Variants in PDCD6 observed in about 807,000 individuals in gnomAD.
The protein encoded by PDCD6 is programmed cell death 6.
A neutral mutation model predicts 28.3 loss-of-function variants in PDCD6; 12 were observed. The ratio of observed to expected loss-of-function variants is 0.42; its 90% CI spans 0.27 to 0.69. PDCD6 has a LOEUF of 0.69. Ranked by LOEUF, PDCD6 falls within the 30% of genes least tolerant of loss-of-function variation. The pLI is 0.22. For synonymous variants in PDCD6, 92 were observed against 108.0 expected, an observed-to-expected ratio of 0.85 and a Z score of 0.92; for missense variants, 226 against 269.9, an observed-to-expected ratio of 0.84 and a Z score of 1.14.
At chr5:290,648 T>C (rs545794351) in intron 2 of PDCD6, among the ~76,000 whole-genome samples, 2 of 152,352 alleles carry the variant, frequency 1.3e-5, no homozygotes, top group South Asian at 4.1e-4. Flanking sequence ...CTTACCATTT[T>C]TCCTGTGAGG....
intron 3 of PDCD6, 98 bp from the exon 4 acceptor site, chr5:306,504 G>C (rs955511484): frequency 7.6e-7 from 1 of 1,319,152 alleles, no homozygotes; most frequent in Non-Finnish European, 1.1e-6. Flanking sequence ...TCAGCAGTGG[G>C]GCCCCGCCAG....
chr5:285,741 T>G (rs1738914549), intron 2 of PDCD6, among the ~76,000 whole-genome samples: 1 of 151,296 alleles, frequency 6.6e-6, no homozygotes, highest in African/African-American at 2.4e-5. Context: ...GCCGTGCATT[T>G]GGAAACCCTG....
intron 2 of PDCD6, among the ~76,000 whole-genome samples, chr5:297,894 AAG>A (rs993937835): frequency 1.3e-5 from 2 of 152,232 alleles, no homozygotes; most frequent in African/African-American, 4.8e-5. Flanking sequence ...GAAATGAAAA[AAG>A]AAAATCGACT....
At chr5:302,567 C>A (rs1740164689) in intron 2 of PDCD6, among the ~76,000 whole-genome samples, 1 of 148,676 alleles carries the variant, frequency 6.7e-6, no homozygotes, top group African/African-American at 2.5e-5. Flanking sequence ...AGCTTCCCTG[C>A]ATAACTGCTG....
intron 2 of PDCD6, among the ~76,000 whole-genome samples, chr5:279,783 CAAAAAAA>C (rs35224887): frequency 0.019 from 1,439 of 75,590 alleles, 17 homozygotes; most frequent in Non-Finnish European, 0.023. Context: ...AAAGTAATGG[CAAAAAAA>C]AAAAAAAAAA....
Position 299,845 on chromosome 5 carries a change from A to G in PDCD6, c.164-4332A>G, listed in dbSNP as rs2672773. On this transcript the variant is annotated intron_variant, in intron 2 of 5. Transcript: ENST00000264933. Reference sequence around the variant, plus strand: ...ATTACAGGCGCCAGCCACCGCGCCCAGCTGGTATTTTTTTTTTTATTTTTT... The same window carrying G: ...ATTACAGGCGCCAGCCACCGCGCCCGGCTGGTATTTTTTTTTTTATTTTTT... Among the ~76,000 whole-genome samples the G allele has an allele frequency of 9.3e-3, 1,377 of 147,816 alleles. 24 individuals are homozygous for G. Among genetic ancestry groups the G allele is most frequent in the African/African-American group, 0.032 (1,211 of 37,840 alleles).
chr5:302,107 T>TGTGTGTGCGC (rs113802406), intron 2 of PDCD6, among the ~76,000 whole-genome samples: 67 of 111,680 alleles, frequency 6.0e-4, no homozygotes, highest in African/African-American at 1.9e-3. Context: ...TGTGTGTGTG[T>TGTGTGTGCGC]GCCTTGGGTT....
At chr5:290,743 G>C (rs778773326) in intron 2 of PDCD6, among the ~76,000 whole-genome samples, 1 of 124,816 alleles carries the variant, frequency 8.0e-6, no homozygotes, top group Non-Finnish European at 1.7e-5. Flanking sequence ...GTCACAGAAG[G>C]ACCCTGTCCC....
chr5:282,955 G>C (rs1738685731), intron 2 of PDCD6, among the ~76,000 whole-genome samples: 1 of 152,104 alleles, frequency 6.6e-6, no homozygotes, highest in Admixed American at 6.5e-5. Flanking sequence ...TGAGGTTCTA[G>C]TTTGAGGGTC....
chr5:314,318 C>CGT lies in PDCD6; in HGVS notation c.478-93_478-92dup, dbSNP rs1372044439. On this transcript the variant is annotated intron_variant, in intron 5 of 5. Coordinates refer to ENST00000264933, the MANE Select transcript of PDCD6 (RefSeq NM_013232.4). Reference sequence around the variant, plus strand: ...GGGCTCCATCAGGGAGCCCAGAAGACGTGTGTGCTTCTGAAATTGGGTCCC... The same window carrying CGT: ...GGGCTCCATCAGGGAGCCCAGAAGACGTGTGTGTGCTTCTGAAATTGGGTCCC... 3.8e-6 allele frequency: 3 copies of CGT among 790,396 alleles called. No homozygotes were observed. The African/African-American group carries it at 5.1e-5, about 13-fold the overall frequency. 49.0% of individuals were successfully genotyped at this position (790,396 alleles called of 1,614,324 possible). A position where few individuals can be genotyped will look rare whatever the true frequency, so the allele number is the denominator to read the frequency against.
intron 2 of PDCD6, among the ~76,000 whole-genome samples, chr5:279,570 G>C (rs565464692): frequency 6.6e-6 from 1 of 152,048 alleles, no homozygotes; most frequent in South Asian, 2.1e-4. Context: ...TTTCAAAGGG[G>C]CGTGTCATGT....
chr5:289,991 T>C, intron 2 of PDCD6: 1 of 1,601,008 alleles, frequency 6.2e-7, no homozygotes, highest in South Asian at 1.1e-5. Context: ...TAGTTTCTCC[T>C]TGGATCTGTT....
Position 276,180 on chromosome 5 carries a change from G to C in PDCD6, c.163+3408G>C. On this transcript the variant is annotated intron_variant, in intron 2 of 5. Transcript: ENST00000264933. ...GGAGGTTGAGGCTGCATTGAGCTGA[G>C]ATCAAGCCACGGCACTCCAGCCTGG... 3 of 1,037,590 alleles carry C rather than the reference G, an allele frequency of 2.9e-6. No individual in the cohort carries two copies. In the South Asian group the frequency reaches 5.1e-5, roughly 18 times the overall value. The allele number at this position is 1,037,590 out of a possible 1,614,324, so 64.3% of individuals were successfully genotyped here.
chr5:302,406 CCT>C (rs1561046996), intron 2 of PDCD6, among the ~76,000 whole-genome samples: 12 of 101,644 alleles, frequency 1.2e-4, no homozygotes, highest in South Asian at 2.7e-4. Flanking sequence ...TGTGTGTATG[CCT>C]CAGGTTCAGG....
At chr5:276,866 G>A (rs1176995346) in intron 2 of PDCD6, 1 of 985,234 alleles carries the variant, frequency 1.0e-6, no homozygotes, top group Non-Finnish European at 1.2e-6. Flanking sequence ...TGCTCTCAGG[G>A]AGGTCTGTGG....
intron 2 of PDCD6, among the ~76,000 whole-genome samples, chr5:301,828 A>C (rs1342985142): frequency 7.0e-6 from 1 of 143,298 alleles, no homozygotes; most frequent in Non-Finnish European, 1.5e-5. Context: ...CTTTGTGGGA[A>C]GAGCACAGCT....
At chr5:302,068 C>CTGTGTGTGTGTGTGTGTG (rs1491538086) in intron 2 of PDCD6, among the ~76,000 whole-genome samples, 3 of 63,372 alleles carry the variant, frequency 4.7e-5, no homozygotes, top group Non-Finnish European at 1.2e-4. Flanking sequence ...TTGAGTGCTG[C>CTGTGTGTGTGTGTGTGTG]TCTGTGTGTG....
intron 4 of PDCD6, 190 bp from the exon 5 acceptor site, chr5:311,103 C>T: frequency 1.7e-6 from 1 of 580,408 alleles, no homozygotes; most frequent in South Asian, 1.9e-5. Flanking sequence ...GGGATGTCAG[C>T]TCATTACAGA....
chr5:272,537 G>A (rs1414977870), intron 1 of PDCD6, among the ~76,000 whole-genome samples, 174 bp from the exon 2 acceptor site: 1 of 144,126 alleles, frequency 6.9e-6, no homozygotes, highest in Admixed American at 6.8e-5. Flanking sequence ...AGACCACACT[G>A]GACGTCGGCT....
Sources: gnomAD v4.1 joint callset for allele counts (sites outside exome capture counted in the v4.1 genomes callset) on GRCh38, gnomAD v4.1.1 for gene constraint, MANE v1.5 for transcripts, NCBI Gene and HGNC (gene_info 2026-07-23, HGNC 2026-07-21) for gene names.